The following NRXN3 variants were observed in gnomAD, a reference collection of about 807,000 sequenced individuals.
NRXN3 encodes the protein neurexin 3, also known as neurexin III.
A neutral mutation model predicts 137.6 loss-of-function variants in NRXN3; 32 were observed. The ratio of observed to expected loss-of-function variants is 0.23; its 90% CI spans 0.18 to 0.31. The LOEUF is 0.31. Among genes scored for constraint, NRXN3 ranks in the 10% least tolerant of loss-of-function variants. The pLI, the probability that NRXN3 is intolerant of heterozygous loss-of-function variation, is 1.00. For missense variants in NRXN3, 1,574 were observed against 2,062.5 expected, an observed-to-expected ratio of 0.76 and a Z score of 4.59; for synonymous variants, 798 against 784.5, an observed-to-expected ratio of 1.02 and a Z score of -0.29.
Position 79,647,263 on chromosome 14 carries a change from A to G in NRXN3, c.3445-16515A>G, listed in dbSNP as rs574355083. ...TTTTTTTCACTATCAGTTTCTACTC[A>G]AAATTAAATGGTAGCTCTAGAATAG... On this transcript the variant is annotated intron_variant, in intron 16 of 20. Coordinates refer to ENST00000335750, the MANE Select transcript of NRXN3 (RefSeq NM_001330195.2). 1.2e-3 allele frequency among the ~76,000 whole-genome samples: 159 copies of G among 136,110 alleles called. 7 individuals carry two copies. Among genetic ancestry groups the G allele is most frequent in the African/African-American group, 3.7e-3 (152 of 40,972 alleles). 89.3% of individuals were successfully genotyped at this position (136,110 alleles called of 152,430 possible). A position where few individuals can be genotyped will look rare whatever the true frequency, so the allele number is the denominator to read the frequency against.
At chr14:79,066,560 T>C (rs1314902001) in intron 15 of NRXN3, among the ~76,000 whole-genome samples, 1 of 152,204 alleles carries the variant, frequency 6.6e-6, no homozygotes, top group Admixed American at 6.5e-5. Flanking sequence ...GCATTGAATC[T>C]ATAAATTACT....
intron 15 of NRXN3, among the ~76,000 whole-genome samples, chr14:79,123,152 C>T (rs1030170301): frequency 3.3e-5 from 5 of 152,078 alleles, no homozygotes; most frequent in African/African-American, 9.7e-5. Context: ...AAGCCCAAGC[C>T]TCTGGTTGAC....
At chr14:78,493,623 G>C (rs1177475331) in intron 4 of NRXN3, among the ~76,000 whole-genome samples, 1 of 151,976 alleles carries the variant, frequency 6.6e-6, no homozygotes, top group Admixed American at 6.6e-5. Flanking sequence ...CCCTCTTTAG[G>C]GGAAAGTTGT....
chr14:79,381,851 T>C (rs1442304707), intron 15 of NRXN3, among the ~76,000 whole-genome samples: 1 of 152,202 alleles, frequency 6.6e-6, no homozygotes, highest in Non-Finnish European at 1.5e-5. Flanking sequence ...GGTTTCTCCA[T>C]GATGATTTTG....
At chr14:79,424,081 G>C (rs1180271503) in intron 15 of NRXN3, among the ~76,000 whole-genome samples, 3 of 152,138 alleles carry the variant, frequency 2.0e-5, no homozygotes, top group African/African-American at 7.2e-5. Context: ...GATTGTATAA[G>C]AAACTCAAAT....
chr14:78,260,308 A>G (rs2070468341), intron 2 of NRXN3, among the ~76,000 whole-genome samples: 1 of 152,198 alleles, frequency 6.6e-6, no homozygotes, highest in Non-Finnish European at 1.5e-5. Context: ...AGGTACTCCA[A>G]GAAGTCACAC....
chr14:79,683,377 C>T (rs753639136), intron 17 of NRXN3, among the ~76,000 whole-genome samples: 4 of 152,074 alleles, frequency 2.6e-5, no homozygotes, highest in Non-Finnish European at 5.9e-5. Context: ...GTGTAACTTT[C>T]TCTTGGATAG....
chr14:79,733,651 C>A (rs1166968729), intron 19 of NRXN3, among the ~76,000 whole-genome samples: 1 of 148,768 alleles, frequency 6.7e-6, no homozygotes, highest in Non-Finnish European at 1.5e-5. Flanking sequence ...TTATATGAAG[C>A]CCACATTTGG....
chr14:78,201,301 T>C (rs1595860442), intron 1 of NRXN3, among the ~76,000 whole-genome samples: 1 of 152,214 alleles, frequency 6.6e-6, no homozygotes, highest in Non-Finnish European at 1.5e-5. Context: ...TTCTCCACAC[T>C]GTCAAGCTGT....
At chr14:78,610,313 GC>G (rs564745862) in intron 4 of NRXN3, among the ~76,000 whole-genome samples, 177 of 152,214 alleles carry the variant, frequency 1.2e-3, no homozygotes, top group Admixed American at 1.8e-3. Flanking sequence ...TTTATTCAAA[GC>G]TAAATAATTT....
intron 20 of NRXN3, among the ~76,000 whole-genome samples, chr14:79,844,520 G>A (rs1450320817): frequency 2.0e-5 from 3 of 151,918 alleles, no homozygotes; most frequent in African/African-American, 4.8e-5. Context: ...TAGCAGGCAC[G>A]AAAACAATGT....
intron 4 of NRXN3, among the ~76,000 whole-genome samples, chr14:78,303,966 T>C (rs1025287877): frequency 2.0e-5 from 3 of 152,168 alleles, no homozygotes; most frequent in African/African-American, 7.2e-5. Flanking sequence ...TCGTACTTAA[T>C]GAATGCTTAC....
chr14:79,748,928 G>T (rs1289152511), intron 19 of NRXN3, among the ~76,000 whole-genome samples: 2 of 151,942 alleles, frequency 1.3e-5, no homozygotes, highest in African/African-American at 4.8e-5. Context: ...AGTCAAGCAG[G>T]CTAAATTGAA....
chr14:79,046,266 G>T lies in NRXN3; in HGVS notation c.3262+58125G>T, dbSNP rs542051605. Among the ~76,000 whole-genome samples the T allele has an allele frequency of 2.6e-5, 4 of 152,124 alleles. No individual in the cohort carries two copies. The East Asian group carries it at 7.8e-4, about 29-fold the overall frequency. ...GCTGCAGCTTATGCTTTAGATTTGAGATACACAGTTGGGATCTATGATGGT... is the reference window on the plus strand; with the variant it reads ...GCTGCAGCTTATGCTTTAGATTTGATATACACAGTTGGGATCTATGATGGT... On this transcript the variant is annotated intron_variant, in intron 15 of 20. Coordinates refer to ENST00000335750, the MANE Select transcript of NRXN3 (RefSeq NM_001330195.2).
At chr14:78,870,831 A>G (rs1596721692) in intron 10 of NRXN3, among the ~76,000 whole-genome samples, 1 of 151,988 alleles carries the variant, frequency 6.6e-6, no homozygotes, top group East Asian at 1.9e-4. Flanking sequence ...AATGTGCTTC[A>G]TTCCATTATT....
intron 4 of NRXN3, among the ~76,000 whole-genome samples, chr14:78,304,269 C>T (rs1349857208): frequency 1.3e-5 from 2 of 152,106 alleles, no homozygotes; most frequent in Non-Finnish European, 1.5e-5. Context: ...CCAGAATAAA[C>T]GTGGGAAAGG....
At chr14:79,537,075 A>G (rs1235165654) in intron 16 of NRXN3, among the ~76,000 whole-genome samples, 2 of 152,198 alleles carry the variant, frequency 1.3e-5, no homozygotes, top group African/African-American at 2.4e-5. Context: ...CATTCCCACC[A>G]ACAGTGTAAA....
In NRXN3 at chr14:78,869,420, T is replaced by TG. The variant is rs545749070; in HGVS notation, c.2275+59077dup. Among the ~76,000 whole-genome samples the TG allele has an allele frequency of 3.8e-3, 574 of 152,256 alleles. 3 individuals are homozygous for TG. The highest frequency in any genetic ancestry group is 0.013 in the African/African-American group (551 of 41,558). On this transcript the variant is annotated intron_variant, in intron 10 of 20. Transcript: ENST00000335750. ...CTTAAATCTAATCACATCTCCCACT[T>TG]GCTTGAAACCATTCAAAGTCTTCTA...
At chr14:78,701,034 TG>T (rs1235783130) in intron 6 of NRXN3, among the ~76,000 whole-genome samples, 1 of 152,096 alleles carries the variant, frequency 6.6e-6, no homozygotes, top group African/African-American at 2.4e-5. Context: ...CCTCCCAAAG[TG>T]TTGGGATTAC....
Sources: allele counts gnomAD v4.1 joint callset (sites outside exome capture counted in the v4.1 genomes callset), GRCh38; gene constraint gnomAD v4.1.1; transcripts MANE v1.5; gene names NCBI Gene and HGNC (gene_info 2026-07-23, HGNC 2026-07-21).